Variants in FAM135B observed in about 807,000 individuals in gnomAD.
The protein encoded by FAM135B is protein FAM135B.
A neutral mutation model predicts 127.7 loss-of-function variants in FAM135B; 43 were observed. That is an observed-to-expected ratio of 0.34 (90% CI 0.26 to 0.43). The LOEUF is 0.43. FAM135B is among the 20% of genes least tolerant of loss of function. FAM135B has a pLI of 1.00. For missense variants in FAM135B, 1,558 were observed against 1,725.6 expected, an observed-to-expected ratio of 0.90 and a Z score of 1.72; for synonymous variants, 670 against 665.1, an observed-to-expected ratio of 1.01 and a Z score of -0.11.
At chr8:138,376,185 C>T (rs960267314) in intron 1 of FAM135B, among the ~76,000 whole-genome samples, 8 of 152,016 alleles carry the variant, frequency 5.3e-5, no homozygotes, top group African/African-American at 1.5e-4. Context: ...CCAAGTGATC[C>T]GCCCACCTCA....
chr8:138,421,302 G>A (rs1834493973), intron 1 of FAM135B, among the ~76,000 whole-genome samples: 1 of 152,000 alleles, frequency 6.6e-6, no homozygotes, highest in Non-Finnish European at 1.5e-5. Flanking sequence ...AACAGAGCGA[G>A]ACTCTGTCAA....
At chr8:138,297,834 G>A (rs964732418) in intron 3 of FAM135B, among the ~76,000 whole-genome samples, 5 of 152,174 alleles carry the variant, frequency 3.3e-5, no homozygotes, top group African/African-American at 1.2e-4. Context: ...TGGATAAGGG[G>A]GTCAGGATGA....
rs373046050 is a variant in FAM135B at position 138,152,951 on chromosome 8, T to C, written c.1524A>G (p.Gln508=). The C allele has an allele frequency of 8.1e-6, 13 of 1,614,114 alleles. No homozygotes were observed. Among genetic ancestry groups the C allele is most frequent in the Non-Finnish European group, 1.0e-5 (12 of 1,180,050 alleles). Reference sequence around the variant, plus strand: ...CATCTTCAGGCACACCTGCTTTGTTTTGAAATTCACCAATTGATATATACA... The same window carrying C: ...CATCTTCAGGCACACCTGCTTTGTTCTGAAATTCACCAATTGATATATACA... ...SQVYISIGEF[Q]NKAGVPEDEC... is the part of the protein sequence containing the mutation. Residue 508 remains glutamine (Q), a synonymous_variant, in exon 13 of 20, where the codon CAA becomes CAG. Coordinates refer to ENST00000395297, the MANE Select transcript of FAM135B (RefSeq NM_015912.4).
At chr8:138,464,677 C>T (rs2131628302) in intron 1 of FAM135B, among the ~76,000 whole-genome samples, 1 of 152,336 alleles carries the variant, frequency 6.6e-6, no homozygotes, top group South Asian at 2.1e-4. Context: ...ATTCTTCCAT[C>T]ATCCCAACAG....
At chr8:138,274,888 T>C (rs1191439128) in intron 3 of FAM135B, among the ~76,000 whole-genome samples, 1 of 144,072 alleles carries the variant, frequency 6.9e-6, no homozygotes, top group Non-Finnish European at 1.5e-5. Context: ...CTGTTCTTTT[T>C]TTTTTTAAGG....
chr8:138,249,586 C>T (rs950934429), intron 6 of FAM135B, among the ~76,000 whole-genome samples: 6 of 152,152 alleles, frequency 3.9e-5, no homozygotes, highest in Admixed American at 2.0e-4. Context: ...AGCAGATGGG[C>T]GTGGTCACTG....
intron 1 of FAM135B, among the ~76,000 whole-genome samples, chr8:138,464,402 C>T (rs1157375714): frequency 6.6e-6 from 1 of 152,086 alleles, no homozygotes; most frequent in African/African-American, 2.4e-5. Context: ...AAAACCTCCC[C>T]CCCAACACAT....
chr8:138,304,329 G>A (rs1402691797), intron 3 of FAM135B, among the ~76,000 whole-genome samples: 1 of 152,198 alleles, frequency 6.6e-6, no homozygotes, highest in Admixed American at 6.5e-5. Context: ...CCTGTTGTCT[G>A]GGAGTGGTCC....
chr8:138,402,015 C>CTG (rs141960932), intron 1 of FAM135B, among the ~76,000 whole-genome samples: 1 of 151,386 alleles, frequency 6.6e-6, no homozygotes, highest in African/African-American at 2.4e-5. Context: ...GTGTGTGTGT[C>CTG]TGTGTGTGTG....
chr8:138,497,670 C>G (rs776521936), upstream of FAM135B, among the ~76,000 whole-genome samples: 3 of 152,136 alleles, frequency 2.0e-5, no homozygotes, highest in Non-Finnish European at 4.4e-5. Context: ...GCCAGCCGGC[C>G]CGTCATCCGA....
chr8:138,343,831 A>C (rs1417401566), intron 2 of FAM135B, among the ~76,000 whole-genome samples: 1 of 152,206 alleles, frequency 6.6e-6, no homozygotes, highest in Non-Finnish European at 1.5e-5. Flanking sequence ...GGCTCTCTGC[A>C]GCCCCCTGCA....
chr8:138,142,118 A>G (rs1260989584), intron 16 of FAM135B, among the ~76,000 whole-genome samples: 2 of 152,112 alleles, frequency 1.3e-5, no homozygotes, highest in African/African-American at 4.8e-5. Context: ...TGAAGACTAA[A>G]TGGGATAATG....
chr8:138,356,696 A>G (rs1042822791), intron 2 of FAM135B, among the ~76,000 whole-genome samples: 4 of 152,132 alleles, frequency 2.6e-5, no homozygotes, highest in South Asian at 2.1e-4. Flanking sequence ...ACAGCCTCCA[A>G]TGGTGTCTTC....
intron 1 of FAM135B, among the ~76,000 whole-genome samples, chr8:138,442,267 T>TATATATATATATATATAC (rs34280434): frequency 0.013 from 1,133 of 86,680 alleles, 98 homozygotes; most frequent in African/African-American, 0.026. Context: ...TATATATATA[T>TATATATATATATATATAC]ATATATATAT....
chr8:138,170,369 G>A (rs1820324199), intron 11 of FAM135B, among the ~76,000 whole-genome samples: 1 of 151,900 alleles, frequency 6.6e-6, no homozygotes, highest in Admixed American at 6.6e-5. Flanking sequence ...ATTACAGGCA[G>A]GTGCCATCAC....
intron 1 of FAM135B, among the ~76,000 whole-genome samples, chr8:138,422,007 A>G (rs1190893974): frequency 1.3e-5 from 2 of 151,984 alleles, no homozygotes; most frequent in East Asian, 3.9e-4. Context: ...GTCAACAATA[A>G]CAAGCAATGG....
At chr8:138,168,190 C>T (rs1236569882) in intron 11 of FAM135B, 141 bp from the exon 12 acceptor site, 1 of 971,958 alleles carries the variant, frequency 1.0e-6, no homozygotes, top group Non-Finnish European at 1.5e-6. Context: ...TTCTTCCACC[C>T]ACCTACTTAG....
chr8:138,265,876 T>C, intron 3 of FAM135B, 34 bp from the exon 4 acceptor site: 1 of 1,603,444 alleles, frequency 6.2e-7, no homozygotes, highest in South Asian at 1.1e-5. Flanking sequence ...ACCCATGAAC[T>C]CCAATACTGT....
At chr8:138,204,182 C>A (rs1435180013) in intron 7 of FAM135B, among the ~76,000 whole-genome samples, 1 of 152,196 alleles carries the variant, frequency 6.6e-6, no homozygotes, top group Non-Finnish European at 1.5e-5. Flanking sequence ...GACTCACCTG[C>A]TATCTCTTGT....
Sources: gnomAD v4.1 joint callset for allele counts (sites outside exome capture counted in the v4.1 genomes callset) on GRCh38, gnomAD v4.1.1 for gene constraint, MANE v1.5 for transcripts, NCBI Gene and HGNC (gene_info 2026-07-23, HGNC 2026-07-21) for gene names.